Variants in MAP3K5 observed in about 807,000 individuals in gnomAD.
The protein encoded by MAP3K5 is ASK-1.
A neutral mutation model predicts 158.7 loss-of-function variants in MAP3K5; 56 were observed. The ratio of observed to expected loss-of-function variants is 0.35; its 90% CI spans 0.28 to 0.44. The LOEUF (loss-of-function observed/expected upper bound fraction) is 0.44, where lower values mean the gene tolerates loss of function less well. Among genes scored for constraint, MAP3K5 ranks in the 20% least tolerant of loss-of-function variants. MAP3K5 has a pLI of 1.00. For synonymous variants in MAP3K5, 579 were observed against 601.7 expected, an observed-to-expected ratio of 0.96 and a Z score of 0.55; for missense variants, 1,294 against 1,674.8, an observed-to-expected ratio of 0.77 and a Z score of 3.97.
At chr6:136,629,912 C>G (rs768793846) in intron 14 of MAP3K5, among the ~76,000 whole-genome samples, 1 of 151,814 alleles carries the variant, frequency 6.6e-6, no homozygotes, top group African/African-American at 2.4e-5. Flanking sequence ...CCACCATGCC[C>G]GGCTAATTTT....
chr6:136,586,224 ACAT>A (rs1159413199), intron 23 of MAP3K5, among the ~76,000 whole-genome samples: 8 of 152,254 alleles, frequency 5.3e-5, no homozygotes, highest in Non-Finnish European at 1.2e-4. Context: ...CAAAATCATA[ACAT>A]CATGAAAACA....
In MAP3K5 at chr6:136,642,513, A is replaced by T. The variant is rs552825913; in HGVS notation, c.1838+7T>A. 1 of 1,601,524 alleles carries T rather than the reference A, an allele frequency of 6.2e-7. No individual in the cohort carries two copies. Among genetic ancestry groups the T allele is most frequent in the Non-Finnish European group, 8.6e-7 (1 of 1,168,902 alleles). On this transcript the variant is annotated splice_region_variant and intron_variant, in intron 12 of 29. Transcript: ENST00000359015. Reference sequence around the variant, plus strand: ...ATAAGTTAACAAAATGTACCAAGGAAACTTACCTCACTCCCCTGACAGAAG... The same window carrying T: ...ATAAGTTAACAAAATGTACCAAGGATACTTACCTCACTCCCCTGACAGAAG...
intron 25 of MAP3K5, among the ~76,000 whole-genome samples, chr6:136,574,838 C>T (rs1774532847): frequency 1.3e-5 from 2 of 151,670 alleles, no homozygotes; most frequent in Non-Finnish European, 1.5e-5. Flanking sequence ...TACAGGCGCC[C>T]GCTACCTCGC....
At chr6:136,779,646 C>T (rs955128340) in intron 1 of MAP3K5, among the ~76,000 whole-genome samples, 1 of 152,010 alleles carries the variant, frequency 6.6e-6, no homozygotes, top group Non-Finnish European at 1.5e-5. Context: ...GGACCTTTTT[C>T]CTTCATAAAA....
At chr6:136,639,894 A>G (rs1466672612) in intron 12 of MAP3K5, among the ~76,000 whole-genome samples, 1 of 152,234 alleles carries the variant, frequency 6.6e-6, no homozygotes, top group African/African-American at 2.4e-5. Context: ...CGTAAACTAC[A>G]CATCCTTTCA....
At chr6:136,763,471 G>A (rs751793226) in intron 1 of MAP3K5, among the ~76,000 whole-genome samples, 1 of 152,128 alleles carries the variant, frequency 6.6e-6, no homozygotes, top group African/African-American at 2.4e-5. Context: ...AAAGTCTCAG[G>A]TGCAGTATTC....
intron 1 of MAP3K5, among the ~76,000 whole-genome samples, chr6:136,780,380 G>C (rs945970914): frequency 9.2e-5 from 14 of 152,072 alleles, no homozygotes; most frequent in Non-Finnish European, 1.5e-5. Context: ...GCATCTATTA[G>C]CAAATTCATT....
intron 14 of MAP3K5, among the ~76,000 whole-genome samples, chr6:136,626,050 G>C (rs538502536): frequency 6.6e-6 from 1 of 152,140 alleles, no homozygotes; most frequent in Non-Finnish European, 1.5e-5. Context: ...AAGACAAAAA[G>C]ATCATAAAAG....
At chr6:136,683,143 T>A (rs991200474) in intron 7 of MAP3K5, among the ~76,000 whole-genome samples, 2 of 152,226 alleles carry the variant, frequency 1.3e-5, no homozygotes, top group African/African-American at 4.8e-5. Flanking sequence ...TTAACATATG[T>A]TGTTTCATTT....
chr6:136,581,168 C>T (rs1415324177), intron 24 of MAP3K5, among the ~76,000 whole-genome samples: 1 of 152,190 alleles, frequency 6.6e-6, no homozygotes, highest in Non-Finnish European at 1.5e-5. Context: ...TTCTGTCTCT[C>T]ATAAATTTTA....
chr6:136,755,536 G>C (rs528227688), intron 1 of MAP3K5, among the ~76,000 whole-genome samples: 3 of 151,786 alleles, frequency 2.0e-5, no homozygotes, highest in Non-Finnish European at 4.4e-5. Context: ...GTGAGACTCC[G>C]ACTCTTCAAA....
intron 2 of MAP3K5, among the ~76,000 whole-genome samples, chr6:136,710,641 T>C (rs1781268050): frequency 6.6e-6 from 1 of 152,190 alleles, no homozygotes; most frequent in African/African-American, 2.4e-5. Flanking sequence ...TTTAGGTAAC[T>C]GCAGCCAGCG....
intron 1 of MAP3K5, among the ~76,000 whole-genome samples, chr6:136,776,722 T>C (rs112699015): frequency 1.3e-5 from 2 of 152,226 alleles, no homozygotes; most frequent in African/African-American, 4.8e-5. Flanking sequence ...TGTTGCCCTT[T>C]ATTTGAATAT....
At chr6:136,697,477 G>A in intron 4 of MAP3K5, 90 bp from the exon 5 acceptor site, 2 of 1,031,160 alleles carry the variant, frequency 1.9e-6, no homozygotes, top group Non-Finnish European at 1.4e-6. Context: ...GAATGATATT[G>A]CAGCATTAGC....
At chr6:136,684,639 C>T (rs1780070144) in intron 7 of MAP3K5, among the ~76,000 whole-genome samples, 1 of 152,108 alleles carries the variant, frequency 6.6e-6, no homozygotes, top group African/African-American at 2.4e-5. Flanking sequence ...CAAATTCTCA[C>T]CCCTTGAAAG....
At chr6:136,670,690 A>G (rs1400396424) in intron 7 of MAP3K5, among the ~76,000 whole-genome samples, 1 of 152,188 alleles carries the variant, frequency 6.6e-6, no homozygotes, top group Non-Finnish European at 1.5e-5. Context: ...ACATCAAATG[A>G]AAACAAAAAA....
At chr6:136,589,719 G>A (rs186588498) in intron 23 of MAP3K5, among the ~76,000 whole-genome samples, 1 of 152,174 alleles carries the variant, frequency 6.6e-6, no homozygotes, top group Non-Finnish European at 1.5e-5. Context: ...CACCAGGGCT[G>A]CAAGTGCACC....
chr6:136,777,145 G>A (rs569925891), intron 1 of MAP3K5, among the ~76,000 whole-genome samples: 1 of 152,312 alleles, frequency 6.6e-6, no homozygotes, highest in East Asian at 1.9e-4. Context: ...TAACTCATGT[G>A]CAAGCTACAA....
chr6:136,769,432 G>A (rs1784087342), intron 1 of MAP3K5, among the ~76,000 whole-genome samples: 1 of 151,952 alleles, frequency 6.6e-6, no homozygotes, highest in Non-Finnish European at 1.5e-5. Context: ...TATTGGTGAT[G>A]GTTGCACACT....
Sources: gnomAD v4.1 joint callset for allele counts (sites outside exome capture counted in the v4.1 genomes callset) on GRCh38, gnomAD v4.1.1 for gene constraint, MANE v1.5 for transcripts, NCBI Gene and HGNC (gene_info 2026-07-23, HGNC 2026-07-21) for gene names.